The following TNK2 variants were observed in gnomAD, a reference collection of about 807,000 sequenced individuals.
TNK2 encodes activated CDC42 kinase 1.
A neutral mutation model predicts 101.8 loss-of-function variants in TNK2; 83 were observed. The observed-to-expected ratio is 0.82, with a 90% CI of 0.68 to 0.98. TNK2 has a LOEUF of 0.98. Among genes scored for constraint, TNK2 ranks in the 50% least tolerant of loss-of-function variants. The pLI is 0.00. For synonymous variants in TNK2, 804 were observed against 633.0 expected, an observed-to-expected ratio of 1.27 and a Z score of -4.06; for missense variants, 1,665 against 1,483.2, an observed-to-expected ratio of 1.12 and a Z score of -2.01.
At chr3:195,869,655 A>G (rs1743558446) in intron 11 of TNK2, 114 bp from the exon 12 acceptor site, 1 of 1,086,246 alleles carries the variant, frequency 9.2e-7, no homozygotes, top group Non-Finnish European at 1.4e-6. Context: ...AGAGAAGTGA[A>G]TGGGGGCGAG....
intron 9 of TNK2, among the ~76,000 whole-genome samples, chr3:195,875,559 G>A (rs1376535429): frequency 6.6e-6 from 1 of 152,122 alleles, no homozygotes. Context: ...ACTTCTCGCA[G>A]CCCACACGCA....
At chr3:195,880,758 T>A (rs9836713) in intron 6 of TNK2, among the ~76,000 whole-genome samples, 75 of 6,846 alleles carry the variant, frequency 0.011, no homozygotes, top group African/African-American at 0.032. Flanking sequence ...ACAGCATCTA[T>A]CCCTGTAACA....
chr3:195,869,015 C>T (rs1355263225), intron 12 of TNK2: 7 of 475,208 alleles, frequency 1.5e-5, no homozygotes, highest in East Asian at 1.1e-4. Context: ...CACAAGACCC[C>T]GGCGGCCCTG....
chr3:195,892,738 G>C, intron 1 of TNK2: 1 of 1,356,876 alleles, frequency 7.4e-7, no homozygotes, highest in South Asian at 1.7e-5. Context: ...CTTCTCTCCA[G>C]GGCAGTGGTC....
At chr3:195,906,482 AAATACTTCTGTTG>A (rs2051651043) in intron 1 of TNK2, among the ~76,000 whole-genome samples, 1 of 152,204 alleles carries the variant, frequency 6.6e-6, no homozygotes, top group South Asian at 2.1e-4. Flanking sequence ...ACAAACTCCA[AAATACTTCTGTTG>A]AATGAAAGAC....
In TNK2 at chr3:195,868,050, C is replaced by T. The variant is rs373598238; in HGVS notation, c.2248G>A (p.Asp750Asn). The T allele has an allele frequency of 1.9e-4, 308 of 1,598,100 alleles. 2 individuals are homozygous for T. Among genetic ancestry groups the T allele is most frequent in the Middle Eastern group, 1.2e-3 (7 of 6,038 alleles). ...ACCCGAGGAGGCACCTGGGGCTTGT[C>T]GTCACCCCCCGGGCTGGGAGAGGGG... ...PAPSPSPGGD[D>N]KPQVPPRVPI... The change falls in exon 13 of 16, where the codon GAC (aspartate) becomes AAC (asparagine). Residue 750 changes from aspartate (D) to asparagine (N), a missense_variant. Asp to Asn is a conservative substitution (Grantham distance 23, BLOSUM62 1). Around this residue, in one of 3 missense-constraint regions of TNK2, gnomAD observed 1,136 missense variants for 894.9 expected, o/e 1.27. Coordinates refer to ENST00000672887, the MANE Select transcript of TNK2 (RefSeq NM_001382273.1).
chr3:195,869,459 G>A, intron 12 of TNK2, 38 bp downstream of exon 12: 2 of 1,548,172 alleles, frequency 1.3e-6, no homozygotes, highest in South Asian at 1.2e-5. Flanking sequence ...AGAGGGGGCG[G>A]GGGCGGGGGC....
rs2149287165 is a variant in TNK2 at position 195,870,499 on chromosome 3, C to T, written c.1452-294G>A. On this transcript the variant is annotated intron_variant, in intron 10 of 15. Transcript: ENST00000672887. ...TCCACAACCCCCCAGGCCCCCAGCC[C>T]ACACCAGGCAGCGGCCAGAGGGCAG... is the stretch of plus-strand genomic sequence containing the variant. The T allele has an allele frequency of 3.1e-6, 3 of 961,748 alleles. No homozygotes were observed. In the South Asian group the frequency reaches 4.7e-5, roughly 15 times the overall value. 59.6% of individuals were successfully genotyped at this position (961,748 alleles called of 1,614,324 possible).
chr3:195,882,144 A>G lies in TNK2; in HGVS notation c.794T>C (p.Leu265Pro), dbSNP rs747392056. ...ARNLLLATRD[L>P]VKIGDFGLMR... is the part of the protein sequence containing the mutation. ...CAGCCCAAAGTCCCCGATCTTGACC[A>G]GGTCGCGGGTAGCCAACAGCAGATT... The change falls in exon 6 of 16, where the codon CTG (leucine) becomes CCG (proline). Residue 265 changes from leucine to proline, a missense_variant. Leu to Pro is a moderately conservative substitution (Grantham distance 98). Around this residue, in one of 3 missense-constraint regions of TNK2, gnomAD observed 490 missense variants for 522.5 expected, o/e 0.94. Coordinates refer to ENST00000672887, the MANE Select transcript of TNK2 (RefSeq NM_001382273.1). The surrounding 1 kb of genome is among the most constrained non-coding windows in gnomAD (Gnocchi z 4.2). 1 of 1,613,870 alleles carries G rather than the reference A, an allele frequency of 6.2e-7. No individual in the cohort carries two copies. Among genetic ancestry groups the G allele is most frequent in the South Asian group, 1.1e-5 (1 of 91,084 alleles).
chr3:195,908,308 C>T (rs1476479155), intron 1 of TNK2, 177 bp downstream of exon 1: 1 of 153,002 alleles, frequency 6.5e-6, no homozygotes, highest in Non-Finnish European at 1.5e-5. Flanking sequence ...AATTACCATA[C>T]ACAGTACTGG....
At position 195,892,109 on chromosome 3, in the gene TNK2, G is replaced by C. The variant is rs900785298; in HGVS notation, c.-18-3503C>G. On this transcript the variant is annotated intron_variant, in intron 1 of 15. Transcript: ENST00000672887. ...GCCCAAGGTTCTTTGTGCAGCACAGGGCATGGCTGCAGCTCCTCCAGAGTT... is the reference window on the plus strand; with the variant it reads ...GCCCAAGGTTCTTTGTGCAGCACAGCGCATGGCTGCAGCTCCTCCAGAGTT... 10 of 667,460 alleles carry C rather than the reference G, an allele frequency of 1.5e-5. No homozygotes were observed. The African/African-American group carries it at 1.9e-4, about 13-fold the overall frequency. The allele number at this position is 667,460 out of a possible 1,614,324, so 41.3% of individuals were successfully genotyped here.
chr3:195,887,230 G>A (rs1756093453), intron 2 of TNK2, among the ~76,000 whole-genome samples, 183 bp from the exon 3 acceptor site: 1 of 152,236 alleles, frequency 6.6e-6, no homozygotes, highest in Non-Finnish European at 1.5e-5. Context: ...CCACTTCCTG[G>A]CACTGGCTCT....
chr3:195,904,065 C>A (rs1251561794), intron 1 of TNK2, among the ~76,000 whole-genome samples: 1 of 151,874 alleles, frequency 6.6e-6, no homozygotes, highest in Non-Finnish European at 1.5e-5. Context: ...CCAGCCTGGG[C>A]AACATGCCAA....
At chr3:195,866,693 T>C (rs1741074897) in intron 15 of TNK2, among the ~76,000 whole-genome samples, 196 bp downstream of exon 15, 1 of 152,180 alleles carries the variant, frequency 6.6e-6, no homozygotes, top group African/African-American at 2.4e-5. Flanking sequence ...GAAAACCAAG[T>C]GGCTAAAATG....
Position 195,888,614 on chromosome 3 carries a change from G to C in TNK2, c.-18-8C>G, listed in dbSNP as rs778074517. The C allele has an allele frequency of 5.0e-6, 8 of 1,603,474 alleles. No individual in the cohort carries two copies. In the Admixed American group the frequency reaches 6.7e-5, roughly 13 times the overall value. On this transcript the variant is annotated splice_region_variant and splice_polypyrimidine_tract_variant and intron_variant, in intron 1 of 15. Transcript: ENST00000672887. This position sits in a 1 kb window ranked among gnomAD's most constrained non-coding sequence, Gnocchi z 5.3. ...TCTGCCGCCTCCCAGCCTCTGTGGGGGGAGGAGTGGCTCAGGGACAAGGGT... is the reference window on the plus strand; with the variant it reads ...TCTGCCGCCTCCCAGCCTCTGTGGGCGGAGGAGTGGCTCAGGGACAAGGGT...
At chr3:195,891,588 A>C (rs887063067) in intron 1 of TNK2, among the ~76,000 whole-genome samples, 1 of 152,112 alleles carries the variant, frequency 6.6e-6, no homozygotes, top group African/African-American at 2.4e-5. Context: ...ACTAGGAGTC[A>C]CGGGCCTAGG....
chr3:195,878,394 G>A lies in TNK2; in HGVS notation c.1162-47C>T, dbSNP rs1750615045. ...GGCCAACTCTGGGACTGACGCCTGG[G>A]TAGCCCCTCAGCTTGAACACCCCAG... On this transcript the variant is annotated intron_variant, in intron 8 of 15. Transcript: ENST00000672887. This position sits in a 1 kb window ranked among gnomAD's most constrained non-coding sequence, Gnocchi z 4.7. The A allele has an allele frequency of 3.1e-6, 5 of 1,613,920 alleles. No individual in the cohort carries two copies. The East Asian group carries it at 6.7e-5, about 22-fold the overall frequency.
Position 195,884,926 on chromosome 3 carries a change from C to T in TNK2, c.342G>A (p.Leu114=). 1.9e-6 allele frequency: 3 copies of T among 1,614,096 alleles called. No homozygotes were observed. The highest frequency in any genetic ancestry group is 2.5e-6 in the Non-Finnish European group (3 of 1,180,006). ...APGGPAGEGP[L]QSLTCLIGEK... ...CCCCAATGAGGCAGGTGAGGCTCTG[C>T]AGGGGCCCCTCCCCTGCTGGGCCCC... The change falls in exon 4 of 16, where the codon CTG becomes CTA. Residue 114 remains leucine, a synonymous_variant. Coordinates refer to ENST00000672887, the MANE Select transcript of TNK2 (RefSeq NM_001382273.1).
intron 10 of TNK2, 105 bp downstream of exon 10, chr3:195,872,171 C>G: frequency 1.5e-6 from 2 of 1,319,544 alleles, no homozygotes; most frequent in Non-Finnish European, 2.1e-6. Context: ...GGGGCTGAAG[C>G]CCGGGCGAAA....
Sources: gnomAD v4.1 joint callset for allele counts (sites outside exome capture counted in the v4.1 genomes callset) on GRCh38, gnomAD v4.1.1 for gene constraint, gnomAD v4.1.1 regional missense constraint, Gnocchi (gnomAD v3.1) non-coding constraint, MANE v1.5 for transcripts, NCBI Gene and HGNC (gene_info 2026-07-23, HGNC 2026-07-21) for gene names.